Variants in NAGPA observed in about 807,000 individuals in gnomAD.
NAGPA encodes the protein N-acetylglucosamine-1-phosphodiester alpha-N-acetylglucosaminidase, also known as alpha-N-acetylglucosaminyl phosphodiesterase.
Under a neutral mutation model 48.5 loss-of-function variants are expected in NAGPA, and 56 were observed. That is an observed-to-expected ratio of 1.15 (90% CI 0.93 to 1.44). NAGPA has a LOEUF of 1.44. Among genes scored for constraint, NAGPA ranks in the 40% most tolerant of loss-of-function variants. NAGPA has a pLI of 0.00. For missense variants in NAGPA, 888 were observed against 735.0 expected (o/e 1.21, Z -2.41); for synonymous variants, 399 against 315.5 (o/e 1.26, Z -2.81).
chr16:5,033,629 C>T lies in NAGPA; in HGVS notation c.186G>A (p.Glu62=). 1 of 1,531,714 alleles carries T rather than the reference C, an allele frequency of 6.5e-7. No homozygotes were observed. The highest frequency in any genetic ancestry group is 8.7e-7 in the Non-Finnish European group (1 of 1,151,086). 94.9% of individuals were successfully genotyped at this position (1,531,714 alleles called of 1,614,324 possible). A position where few individuals can be genotyped will look rare whatever the true frequency, so the allele number is the denominator to read the frequency against. The change falls in exon 2 of 10, where the codon GAG becomes GAA. Residue 62 remains glutamate (E), a synonymous_variant. Transcript: ENST00000312251. This position sits in a 1 kb window ranked among gnomAD's most constrained non-coding sequence, Gnocchi z 4.2. ...GAGTCGCGGGAGGCGGAGGCCAACT[C>T]TCGTGCTCGCGGTTGCCGGCGCGCA... is the stretch of plus-strand genomic sequence containing the variant. ...TRVRAGNREH[E]SWPPPPATPG... is the part of the protein sequence containing the mutation.
rs1956129914 is a variant in NAGPA at position 5,033,037 on chromosome 16, A to G, written c.542+236T>C. ...AGTAATGGGGGAGGGCTGTTAAGGC[A>G]AAGACTGTGTTGTTCACGGCTATCT... On this transcript the variant is annotated intron_variant, in intron 2 of 9. Coordinates refer to ENST00000312251, the MANE Select transcript of NAGPA (RefSeq NM_016256.4). The surrounding 1 kb of genome is among the most constrained non-coding windows in gnomAD (Gnocchi z 4.2). 3.3e-6 allele frequency: 2 copies of G among 598,720 alleles called. No individual in the cohort carries two copies. The highest frequency in any genetic ancestry group is 3.0e-5 in the Admixed American group (1 of 33,038). 37.1% of individuals were successfully genotyped at this position (598,720 alleles called of 1,614,324 possible).
At chr16:5,028,631 C>T in intron 5 of NAGPA, 1 of 604,156 alleles carries the variant, frequency 1.7e-6, no homozygotes, top group South Asian at 1.9e-5. Flanking sequence ...CTCTCCCACC[C>T]CCACCCAGCT....
In NAGPA at chr16:5,027,140, G is replaced by GA. The variant is rs1956016162; in HGVS notation, c.1334dup (p.Thr446HisfsTer236). 1 of 1,614,182 alleles carries GA rather than the reference G, an allele frequency of 6.2e-7. No individual in the cohort carries two copies. On this transcript the variant is annotated frameshift_variant, in exon 9 of 10. Transcript: ENST00000312251. LOFTEE classifies it low-confidence loss of function (END_TRUNC). ...GCTCCCACAGAAGCACCTACCTGGTGAAAAAGGAGAGTTCTCCCGCCCTCA... is the reference window on the plus strand; with the variant it reads ...GCTCCCACAGAAGCACCTACCTGGTGAAAAAAGGAGAGTTCTCCCGCCCTCA...
In NAGPA at chr16:5,031,865, C is replaced by T. The variant is rs138721187; in HGVS notation, c.562G>A (p.Val188Met). ...LVTGYLSEEE[V>M]LDTENPFVQL... Reference sequence around the variant, plus strand: ...ACAAATGGGTTCTCAGTGTCCAGCACCTCCTCCTCAGACAGGTACCTGGAT... The same window carrying T: ...ACAAATGGGTTCTCAGTGTCCAGCATCTCCTCCTCAGACAGGTACCTGGAT... The change falls in exon 3 of 10, where the codon GTG becomes ATG. Residue 188 changes from valine to methionine, a missense_variant. Physicochemically the swap from Val to Met is conservative, Grantham distance 21. Transcript: ENST00000312251. 150 of 1,614,038 alleles carry T rather than the reference C, an allele frequency of 9.3e-5. No homozygotes were observed. The highest frequency in any genetic ancestry group is 1.2e-4 in the Non-Finnish European group (147 of 1,180,034).
chr16:5,027,494 G>A, intron 7 of NAGPA, 115 bp from the exon 8 acceptor site: 1 of 1,156,734 alleles, frequency 8.6e-7, no homozygotes, highest in Admixed American at 2.0e-5. Context: ...ACAGAGCCGG[G>A]CTAAAGGTGA....
chr16:5,025,277 A>G lies in NAGPA; in HGVS notation c.*201T>C, dbSNP rs1363178612. On this transcript the variant is annotated 3_prime_UTR_variant, in exon 10 of 10. Transcript: ENST00000312251. ...AGGCAGCTGAGCCTCTCCAGCGAGC[A>G]TGGTATTGCTAGGGTTGCAGGTGCC... 2 of 656,948 alleles carry G rather than the reference A, an allele frequency of 3.0e-6. No homozygotes were observed. Among genetic ancestry groups the G allele is most frequent in the Non-Finnish European group, 5.3e-6 (2 of 375,034 alleles). The allele number at this position is 656,948 out of a possible 1,614,324, so 40.7% of individuals were successfully genotyped here.
rs571237436 is a variant in NAGPA at position 5,030,029 on chromosome 16, T to G, written c.791+356A>C. ...ACACTCTCTTTACAGGGGCTAGAAA[T>G]GAGGCTCAGGGAGGCCGAGGGACTT... On this transcript the variant is annotated intron_variant, in intron 4 of 9. Transcript: ENST00000312251. The G allele has an allele frequency of 5.2e-3, 2,174 of 418,262 alleles. 7 individuals are homozygous for G. Among genetic ancestry groups the G allele is most frequent in the Middle Eastern group, 0.023 (32 of 1,378 alleles). 25.9% of individuals were successfully genotyped at this position (418,262 alleles called of 1,614,324 possible).
chr16:5,030,779 C>G, intron 3 of NAGPA: 2 of 485,362 alleles, frequency 4.1e-6, no homozygotes, highest in Non-Finnish European at 7.6e-6. Context: ...CCTCCCCAGC[C>G]TCTTCCTCCT....
intron 3 of NAGPA, chr16:5,031,457 A>G: frequency 2.4e-6 from 1 of 411,744 alleles, no homozygotes; most frequent in East Asian, 5.2e-5. Context: ...TTTTCTCTTC[A>G]CTTTTCTCTT....
chr16:5,033,876 A>G lies in NAGPA; in HGVS notation c.39T>C (p.Leu13=), dbSNP rs1956153578. 1 of 1,549,300 alleles carries G rather than the reference A, an allele frequency of 6.5e-7. No homozygotes were observed. Among genetic ancestry groups the G allele is most frequent in the Non-Finnish European group, 8.7e-7 (1 of 1,146,958 alleles). ...TSTGRWLLLR[L]ALFGFLWEAS... Reference sequence around the variant, plus strand: ...CTTCCCAGAGGAAGCCGAATAGTGCAAGCCGGAGGAGAAGCCAGCGACCCG... The same window carrying G: ...CTTCCCAGAGGAAGCCGAATAGTGCGAGCCGGAGGAGAAGCCAGCGACCCG... Residue 13 remains leucine, a synonymous_variant, in exon 1 of 10, where the codon CTT becomes CTC. Coordinates refer to ENST00000312251, the MANE Select transcript of NAGPA (RefSeq NM_016256.4). This position sits in a 1 kb window ranked among gnomAD's most constrained non-coding sequence, Gnocchi z 4.2.
chr16:5,026,002 C>T (rs1028797463), intron 9 of NAGPA, among the ~76,000 whole-genome samples: 3 of 151,194 alleles, frequency 2.0e-5, no homozygotes, highest in Non-Finnish European at 2.9e-5. Flanking sequence ...GATCTCAGCT[C>T]ACTGCAATCT....
In NAGPA at chr16:5,033,053, A is replaced by T. The variant is rs1956130146; in HGVS notation, c.542+220T>A. On this transcript the variant is annotated intron_variant, in intron 2 of 9. Transcript: ENST00000312251. The surrounding 1 kb of genome is among the most constrained non-coding windows in gnomAD (Gnocchi z 4.2). ...TGTTAAGGCAAAGACTGTGTTGTTC[A>T]CGGCTATCTCACCGGGGCGCGGCAC... 1.6e-6 allele frequency: 1 copy of T among 617,744 alleles called. No individual in the cohort carries two copies. Among genetic ancestry groups the T allele is most frequent in the East Asian group, 2.8e-5 (1 of 35,938 alleles). The allele number at this position is 617,744 out of a possible 1,614,324, so 38.3% of individuals were successfully genotyped here.
At chr16:5,032,156 G>A (rs1318710647) in intron 2 of NAGPA, among the ~76,000 whole-genome samples, 1 of 152,058 alleles carries the variant, frequency 6.6e-6, no homozygotes, top group Non-Finnish European at 1.5e-5. Context: ...CCCCAACAGA[G>A]CTCAAATCCA....
chr16:5,033,042 CTG>C lies in NAGPA; in HGVS notation c.542+229_542+230del, dbSNP rs1203411029. On this transcript the variant is annotated intron_variant, in intron 2 of 9. Coordinates refer to ENST00000312251, the MANE Select transcript of NAGPA (RefSeq NM_016256.4). The surrounding 1 kb of genome is among the most constrained non-coding windows in gnomAD (Gnocchi z 4.2). ...TGGGGGAGGGCTGTTAAGGCAAAGACTGTGTTGTTCACGGCTATCTCACCGGG... is the reference window on the plus strand; with the variant it reads ...TGGGGGAGGGCTGTTAAGGCAAAGACTGTTGTTCACGGCTATCTCACCGGG... The C allele has an allele frequency of 1.5e-5, 9 of 603,400 alleles. No homozygotes were observed. The highest frequency in any genetic ancestry group is 3.0e-5 in the Admixed American group (1 of 33,666). The allele number at this position is 603,400 out of a possible 1,614,324, so 37.4% of individuals were successfully genotyped here.
Position 5,028,071 on chromosome 16 carries a change from G to T in NAGPA, c.1035C>A (p.Cys345Ter). The change falls in exon 6 of 10, where the codon TGC (cysteine) becomes TGA (stop). Residue 345 changes from cysteine to a stop codon, truncating the protein, a stop_gained. Transcript: ENST00000312251. LOFTEE classifies it high-confidence loss of function. ...CCCGCCAGAAGTGCCCGGTGCATTG[G>T]CAGTGCCCGTCCACGCAGGTCCCGT... ...HGHGTCVDGH[C>*]QCTGHFWRGP... 1 of 1,613,734 alleles carries T rather than the reference G, an allele frequency of 6.2e-7. No homozygotes were observed. The highest frequency in any genetic ancestry group is 8.5e-7 in the Non-Finnish European group (1 of 1,179,922).
rs141259444 is a variant in NAGPA at position 5,030,100 on chromosome 16, G to C, written c.791+285C>G. On this transcript the variant is annotated intron_variant, in intron 4 of 9. Coordinates refer to ENST00000312251, the MANE Select transcript of NAGPA (RefSeq NM_016256.4). ...GACAAGTCATCGATGGCTAAGCTGGGATTGGAACCAAGATCTTCTCCCTGC... is the reference window on the plus strand; with the variant it reads ...GACAAGTCATCGATGGCTAAGCTGGCATTGGAACCAAGATCTTCTCCCTGC... The C allele has an allele frequency of 4.7e-4, 254 of 542,194 alleles. 1 individual carries two copies. The Middle Eastern group carries it at 6.1e-3, about 13-fold the overall frequency. 33.6% of individuals were successfully genotyped at this position (542,194 alleles called of 1,614,324 possible).
intron 4 of NAGPA, 33 bp downstream of exon 4, chr16:5,030,352 C>A (rs1356462025): frequency 6.5e-7 from 1 of 1,540,976 alleles, no homozygotes; most frequent in Non-Finnish European, 8.8e-7. Context: ...AGGACTGAGC[C>A]CCGGCCGGGG....
intron 4 of NAGPA, chr16:5,029,519 G>A (rs1346376369): frequency 9.4e-6 from 2 of 212,696 alleles, no homozygotes; most frequent in African/African-American, 2.3e-5. Flanking sequence ...CCAGATAAGA[G>A]AAGAGCCCTG....
chr16:5,033,759 G>T lies in NAGPA; in HGVS notation c.87-31C>A, dbSNP rs1404241133. On this transcript the variant is annotated intron_variant, in intron 1 of 9. Transcript: ENST00000312251. This position sits in a 1 kb window ranked among gnomAD's most constrained non-coding sequence, Gnocchi z 4.2. ...GGGACGGGCGGCCGTGAGCTCAGGGGGCTGTCCTCGTGAGCTCGGAGGACA... is the reference window on the plus strand; with the variant it reads ...GGGACGGGCGGCCGTGAGCTCAGGGTGCTGTCCTCGTGAGCTCGGAGGACA... 1 of 1,593,002 alleles carries T rather than the reference G, an allele frequency of 6.3e-7. No homozygotes were observed. Among genetic ancestry groups the T allele is most frequent in the East Asian group, 2.3e-5 (1 of 44,186 alleles).
Sources: gnomAD v4.1 joint callset for allele counts (sites outside exome capture counted in the v4.1 genomes callset) on GRCh38, gnomAD v4.1.1 for gene constraint, Gnocchi (gnomAD v3.1) non-coding constraint, MANE v1.5 for transcripts, NCBI Gene and HGNC (gene_info 2026-07-23, HGNC 2026-07-21) for gene names.